Variants in RNF125 observed in about 807,000 individuals in gnomAD.
The protein encoded by RNF125 is E3 ubiquitin-protein ligase RNF125.
RNF125 carries 21 observed loss-of-function variants against 26.0 expected under a neutral mutation model. The ratio of observed to expected loss-of-function variants is 0.81; its 90% confidence interval spans 0.57 to 1.16. The LOEUF (loss-of-function observed/expected upper bound fraction) is 1.16, where lower values mean the gene tolerates loss of function less well. Among genes scored for constraint, RNF125 ranks in the 50% most tolerant of loss-of-function variants. The pLI is 0.00. For missense variants in RNF125, 270 were observed against 299.4 expected (o/e 0.90, Z 0.72); for synonymous variants, 95 against 109.2 (o/e 0.87, Z 0.81).
intron 1 of RNF125, among the ~76,000 whole-genome samples, chr18:32,033,026 C>T (rs943419687): frequency 1.3e-5 from 2 of 152,116 alleles, no homozygotes; most frequent in Non-Finnish European, 2.9e-5. Flanking sequence ...ATTTGTCTGA[C>T]GATACACAAT....
At chr18:32,066,125 G>C (rs1278360004) in intron 5 of RNF125, 116 bp downstream of exon 5, 1 of 641,468 alleles carries the variant, frequency 1.6e-6, no homozygotes, top group African/African-American at 1.8e-5. Flanking sequence ...CTATAGTGTT[G>C]AGTATTAGCA....
At chr18:32,034,359 C>T (rs568884791) in intron 1 of RNF125, among the ~76,000 whole-genome samples, 77 of 152,284 alleles carry the variant, frequency 5.1e-4, no homozygotes, top group African/African-American at 1.5e-3. Context: ...GCAGCTGCAG[C>T]GGGACATAAG....
intron 1 of RNF125, among the ~76,000 whole-genome samples, chr18:32,021,342 AG>A (rs2038985225): frequency 1.3e-5 from 2 of 152,140 alleles, no homozygotes; most frequent in South Asian, 4.1e-4. Context: ...GGCCTCCCAA[AG>A]TGCTGGGATT....
chr18:32,058,205 GGATGCATAGTA>G (rs2039403893), intron 4 of RNF125, among the ~76,000 whole-genome samples: 1 of 151,784 alleles, frequency 6.6e-6, no homozygotes, highest in Non-Finnish European at 1.5e-5. Context: ...CAATTTTTGT[GGATGCATAGTA>G]GGTGTATATA....
At chr18:32,038,829 G>A (rs2039187208) in intron 2 of RNF125, among the ~76,000 whole-genome samples, 1 of 151,910 alleles carries the variant, frequency 6.6e-6, no homozygotes, top group South Asian at 2.1e-4. Context: ...GCAGTGGTGC[G>A]ATCTCAGCTC....
chr18:32,057,517 T>C (rs2039397195), intron 4 of RNF125, among the ~76,000 whole-genome samples: 1 of 151,930 alleles, frequency 6.6e-6, no homozygotes, highest in Admixed American at 6.6e-5. Flanking sequence ...ATATTTTTAG[T>C]AGAGACGGAG....
chr18:32,088,922 G>T, the RNF125 span, among the ~76,000 whole-genome samples: 10 of 152,294 alleles, frequency 6.6e-5, no homozygotes, highest in Admixed American at 5.2e-4. Context: ...GGGGGGAAAG[G>T]TGGTTTAGAT....
chr18:32,026,433 G>C (rs1343583211), intron 1 of RNF125, among the ~76,000 whole-genome samples: 1 of 151,858 alleles, frequency 6.6e-6, no homozygotes, highest in Non-Finnish European at 1.5e-5. Flanking sequence ...ATTTTTAGTA[G>C]AGAAGAGGTT....
intron 4 of RNF125, among the ~76,000 whole-genome samples, chr18:32,064,265 A>G (rs975841404): frequency 1.3e-5 from 2 of 151,994 alleles, no homozygotes; most frequent in African/African-American, 4.8e-5. Flanking sequence ...GATGACAGGC[A>G]TGAGCCACGG....
the RNF125 span, among the ~76,000 whole-genome samples, chr18:32,089,380 G>A: frequency 6.6e-6 from 1 of 152,124 alleles, no homozygotes; most frequent in African/African-American, 2.4e-5. Context: ...CATTCTGAGG[G>A]AAGCCCACTG....
At chr18:32,085,839 T>C in the RNF125 span, among the ~76,000 whole-genome samples, 72 of 145,526 alleles carry the variant, frequency 4.9e-4, no homozygotes, top group South Asian at 2.9e-3. Context: ...GGAAACAGTT[T>C]ATAAGAGTCA....
chr18:32,048,699 A>T (rs892897185), intron 4 of RNF125, among the ~76,000 whole-genome samples: 4 of 152,122 alleles, frequency 2.6e-5, no homozygotes, highest in Admixed American at 2.0e-4. Flanking sequence ...TTTGTTATTG[A>T]TCTTAATGGC....
intron 1 of RNF125, among the ~76,000 whole-genome samples, chr18:32,036,438 T>C (rs1281741146): frequency 6.6e-6 from 1 of 151,772 alleles, no homozygotes; most frequent in Non-Finnish European, 1.5e-5. Flanking sequence ...TTTATTTCTA[T>C]GTTTATGGAG....
chr18:32,035,895 G>A (rs566485427), intron 1 of RNF125, among the ~76,000 whole-genome samples: 2 of 152,318 alleles, frequency 1.3e-5, no homozygotes, highest in East Asian at 1.9e-4. Context: ...GCTCACGCCT[G>A]TAATCCCAGC....
chr18:32,019,877 G>A (rs562944461), intron 1 of RNF125, among the ~76,000 whole-genome samples: 2 of 152,326 alleles, frequency 1.3e-5, no homozygotes, highest in East Asian at 3.9e-4. Flanking sequence ...CTCACAGTTG[G>A]TGCAAAGCCG....
At chr18:32,065,851 T>C (rs369405674) in intron 4 of RNF125, 51 bp from the exon 5 acceptor site, 128 of 1,302,342 alleles carry the variant, frequency 9.8e-5, no homozygotes, top group Non-Finnish European at 1.3e-4. Flanking sequence ...ATTCTAACAC[T>C]AATAACGATT....
At chr18:32,021,223 G>A (rs983448636) in intron 1 of RNF125, among the ~76,000 whole-genome samples, 2 of 152,168 alleles carry the variant, frequency 1.3e-5, no homozygotes, top group Non-Finnish European at 2.9e-5. Context: ...TGGGACTACA[G>A]GTGCCGCCAC....
At chr18:32,075,170 A>G (rs564005789), downstream of RNF125, among the ~76,000 whole-genome samples, 1 of 151,602 alleles carries the variant, frequency 6.6e-6, no homozygotes, top group South Asian at 2.1e-4. Flanking sequence ...ATTTCTCACC[A>G]CCTCCATTTT....
Position 32,022,428 on chromosome 18 carries a change from CTA to C in RNF125, c.164+3403_164+3404del, listed in dbSNP as rs886967305. Among the ~76,000 whole-genome samples, 56 of 152,054 alleles carry C rather than the reference CTA, an allele frequency of 3.7e-4. 1 individual carries two copies. The highest frequency in any genetic ancestry group is 1.3e-3 in the African/African-American group (54 of 41,388). ...CCCCTAAAGTTTTGATCATTTGAGTCTATGAAACAAACTGCTAATAGATTAAC... is the reference window on the plus strand; with the variant it reads ...CCCCTAAAGTTTTGATCATTTGAGTCTGAAACAAACTGCTAATAGATTAAC... On this transcript the variant is annotated intron_variant, in intron 1 of 5. Coordinates refer to ENST00000217740, the MANE Select transcript of RNF125 (RefSeq NM_017831.4).
Sources: allele counts gnomAD v4.1 joint callset (sites outside exome capture counted in the v4.1 genomes callset), GRCh38; gene constraint gnomAD v4.1.1; transcripts MANE v1.5; gene names NCBI Gene and HGNC (gene_info 2026-07-23, HGNC 2026-07-21).